The following ZNF782 variants were observed in gnomAD, a reference collection of about 807,000 sequenced individuals.
ZNF782 encodes zinc finger protein 782.
A neutral mutation model predicts 13.0 loss-of-function variants in ZNF782; 12 were observed. The ratio of observed to expected loss-of-function variants is 0.92; its 90% CI spans 0.59 to 1.50. ZNF782 has a LOEUF of 1.50. Among genes scored for constraint, ZNF782 ranks in the 40% most tolerant of loss-of-function variants. The pLI is 0.00. For missense variants in ZNF782, 770 were observed against 822.9 expected (o/e 0.94, Z 0.79); for synonymous variants, 284 against 283.0 (o/e 1.00, Z -0.04).
intron 3 of ZNF782, among the ~76,000 whole-genome samples, chr9:96,846,097 A>G (rs1851332997): frequency 6.6e-6 from 1 of 152,192 alleles, no homozygotes; most frequent in Non-Finnish European, 1.5e-5. Context: ...GCATCCAGCA[A>G]AACTAAGTTT....
At chr9:96,824,289 A>G (rs1376106821) in intron 5 of ZNF782, among the ~76,000 whole-genome samples, 5 of 151,494 alleles carry the variant, frequency 3.3e-5, no homozygotes, top group Non-Finnish European at 5.9e-5. Context: ...TATAAACAGA[A>G]CCAAAGACAA....
chr9:96,918,506 T>C, the ZNF782 span: 1 of 149,494 alleles, frequency 6.7e-6, no homozygotes, highest in Admixed American at 6.7e-5. Flanking sequence ...AGACATAATA[T>C]GGATGGGCAG....
At chr9:96,845,507 T>A (rs895211182) in intron 3 of ZNF782, among the ~76,000 whole-genome samples, 1 of 152,232 alleles carries the variant, frequency 6.6e-6, no homozygotes, top group African/African-American at 2.4e-5. Context: ...TCCGCCCACC[T>A]TGGCCTCCCA....
the ZNF782 span, chr9:96,910,297 GGATGGA>G: frequency 1.8e-6 from 1 of 565,114 alleles, no homozygotes; most frequent in African/African-American, 2.0e-5. Context: ...GTGAGGAAGA[GGATGGA>G]GATGAAGAGG....
chr9:96,858,747 C>T (rs1423666669), upstream of ZNF782, among the ~76,000 whole-genome samples: 3 of 152,208 alleles, frequency 2.0e-5, no homozygotes, highest in African/African-American at 7.2e-5. The surrounding 1 kb of genome is among the most constrained non-coding windows in gnomAD (Gnocchi z 4.4). Context: ...GTAAGACTGT[C>T]ATTCAGAATG....
At chr9:96,852,377 A>T (rs10739258) in intron 2 of ZNF782, among the ~76,000 whole-genome samples, 2 of 152,242 alleles carry the variant, frequency 1.3e-5, no homozygotes, top group Non-Finnish European at 2.9e-5. Context: ...CTGTGGTTCA[A>T]GCCTGTAACC....
Position 96,818,413 on chromosome 9 carries a change from T to A in ZNF782, c.1610A>T (p.Asn537Ile). 6.2e-7 allele frequency: 1 copy of A among 1,614,214 alleles called. No individual in the cohort carries two copies. Among genetic ancestry groups the A allele is most frequent in the South Asian group, 1.1e-5 (1 of 91,088 alleles). The change falls in exon 6 of 6, where the codon AAT becomes ATT. Residue 537 changes from asparagine to isoleucine, a missense_variant. Coordinates refer to ENST00000481138, the MANE Select transcript of ZNF782 (RefSeq NM_001001662.3). Reference sequence around the variant, plus strand: ...CTGACCGAAAGCTTTTCCACACTGATTACATTTGTAGGGCTTCTCCCCTGT... The same window carrying A: ...CTGACCGAAAGCTTTTCCACACTGAATACATTTGTAGGGCTTCTCCCCTGT... The part of the protein sequence containing the change: ...THTGEKPYKC[N>I]QCGKAFGQKS...
At chr9:96,845,074 T>C in intron 3 of ZNF782, 58 bp from the exon 4 acceptor site, 1 of 1,599,210 alleles carries the variant, frequency 6.3e-7, no homozygotes, top group Non-Finnish European at 8.5e-7. Context: ...AGGAAAACGT[T>C]TTCGGAAACT....
upstream of ZNF782, among the ~76,000 whole-genome samples, chr9:96,876,378 A>G (rs889710483): frequency 1.3e-5 from 2 of 152,246 alleles, no homozygotes; most frequent in African/African-American, 2.4e-5. Flanking sequence ...AACTTTTCTT[A>G]AATCAAGGAC....
At chr9:96,855,094 C>T (rs902375021), upstream of ZNF782, among the ~76,000 whole-genome samples, 3 of 152,180 alleles carry the variant, frequency 2.0e-5, no homozygotes, top group Admixed American at 6.5e-5. Flanking sequence ...GGTTCTAAGG[C>T]GGGTCGAGCC....
At chr9:96,904,083 TA>T in the ZNF782 span, among the ~76,000 whole-genome samples, 1 of 145,308 alleles carries the variant, frequency 6.9e-6, no homozygotes. Flanking sequence ...GGTGTCTCAC[TA>T]TGGTTTTTTT....
chr9:96,836,046 G>C (rs748498215), intron 4 of ZNF782, among the ~76,000 whole-genome samples: 7 of 152,186 alleles, frequency 4.6e-5, no homozygotes. Flanking sequence ...GAAGCCATGA[G>C]AGTGGAGCTA....
At chr9:96,917,887 CGT>C in the ZNF782 span, among the ~76,000 whole-genome samples, 2,709 of 121,500 alleles carry the variant, frequency 0.022, 59 homozygotes, top group African/African-American at 0.047. Context: ...CCACCCTTGG[CGT>C]GTGTGTGTGT....
Position 96,816,495 on chromosome 9 carries a change from T to A in ZNF782, c.*1428A>T, listed in dbSNP as rs1293006660. The A allele has an allele frequency of 6.6e-6, 1 of 152,166 alleles. No homozygotes were observed. Among genetic ancestry groups the A allele is most frequent in the Non-Finnish European group, 1.5e-5 (1 of 68,042 alleles). 9.4% of individuals were successfully genotyped at this position (152,166 alleles called of 1,614,324 possible). A position where few individuals can be genotyped will look rare whatever the true frequency, so the allele number is the denominator to read the frequency against. On this transcript the variant is annotated 3_prime_UTR_variant, in exon 6 of 6. Coordinates refer to ENST00000481138, the MANE Select transcript of ZNF782 (RefSeq NM_001001662.3). The stretch of plus-strand genomic sequence containing the variant: ...GCTTTTCAGTTTATGCAGTTTATTT[T>A]TTGTTCTTTTTAAGCTTTTTATTAT...
chr9:96,926,998 C>G, the ZNF782 span, among the ~76,000 whole-genome samples: 2 of 152,158 alleles, frequency 1.3e-5, no homozygotes, highest in African/African-American at 4.8e-5. Flanking sequence ...CTCCTCATCT[C>G]CTTTGGCCAG....
chr9:96,918,047 G>A, the ZNF782 span, among the ~76,000 whole-genome samples: 2 of 151,068 alleles, frequency 1.3e-5, no homozygotes, highest in Non-Finnish European at 2.9e-5. Context: ...CAGCCTTTTG[G>A]TAGAATTTAT....
chr9:96,861,839 T>A (rs761803255), intron 1 of ZNF782, among the ~76,000 whole-genome samples: 1 of 152,182 alleles, frequency 6.6e-6, no homozygotes, highest in African/African-American at 2.4e-5. Flanking sequence ...ACAACCACTA[T>A]AGAGAACAGT....
intron 4 of ZNF782, among the ~76,000 whole-genome samples, chr9:96,844,087 T>A (rs1203390596): frequency 6.6e-6 from 1 of 152,080 alleles, no homozygotes; most frequent in African/African-American, 2.4e-5. Flanking sequence ...AACAGCAAAA[T>A]TTTCCAAATA....
At chr9:96,879,100 G>A (rs1851930636), upstream of ZNF782, among the ~76,000 whole-genome samples, 1 of 152,340 alleles carries the variant, frequency 6.6e-6, no homozygotes, top group Non-Finnish European at 1.5e-5. Flanking sequence ...TTGAAAACCT[G>A]CTGTGTGACA....
Sources: allele counts gnomAD v4.1 joint callset (sites outside exome capture counted in the v4.1 genomes callset), GRCh38; gene constraint gnomAD v4.1.1; non-coding constraint Gnocchi (gnomAD v3.1); transcripts MANE v1.5; gene names NCBI Gene and HGNC (gene_info 2026-07-23, HGNC 2026-07-21).